DNAI2: variants seen among roughly 807,000 people sequenced by gnomAD.
DNAI2 encodes the protein dynein axonemal intermediate chain 2, also known as dynein, axonemal, intermediate polypeptide 2.
DNAI2 carries 63 observed loss-of-function variants against 74.7 expected under a neutral mutation model. The ratio of observed to expected loss-of-function variants is 0.84; its 90% confidence interval spans 0.69 to 1.04. The LOEUF (loss-of-function observed/expected upper bound fraction) is 1.04. Ranked by LOEUF, DNAI2 falls within the 50% of genes least tolerant of loss-of-function variation. The probability of loss-of-function intolerance (pLI) is 0.00; values close to 1 mark genes in which losing one functional copy is unlikely to be tolerated. For missense variants in DNAI2, 688 were observed against 803.2 expected, an observed-to-expected ratio of 0.86 and a Z score of 1.73; for synonymous variants, 289 against 314.9, an observed-to-expected ratio of 0.92 and a Z score of 0.87.
chr17:74,292,294 G>A (rs2052158473), intron 6 of DNAI2, among the ~76,000 whole-genome samples: 1 of 151,654 alleles, frequency 6.6e-6, no homozygotes, highest in African/African-American at 2.4e-5. Flanking sequence ...CACATTTTCT[G>A]TTTCTTCTTT....
In DNAI2 at chr17:74,305,456, C is replaced by T. The variant is rs1232184473; in HGVS notation, c.1211+14C>T. 3 of 1,612,038 alleles carry T rather than the reference C, an allele frequency of 1.9e-6. No homozygotes were observed. Among genetic ancestry groups the T allele is most frequent in the Non-Finnish European group, 2.5e-6 (3 of 1,178,760 alleles). ...CATGTGGACCAAGTAAGAGGCGATG[C>T]TGGGGACAGGAGGGGATGCAGGAGA... On this transcript the variant is annotated intron_variant, in intron 9 of 13. Transcript: ENST00000311014.
Position 74,309,156 on chromosome 17 carries a change from G to C in DNAI2, c.1212-97G>C. 3 of 1,376,730 alleles carry C rather than the reference G, an allele frequency of 2.2e-6. No individual in the cohort carries two copies. The Admixed American group carries it at 5.5e-5, about 25-fold the overall frequency. 85.3% of individuals were successfully genotyped at this position (1,376,730 alleles called of 1,614,324 possible). A position where few individuals can be genotyped will look rare whatever the true frequency, so the allele number is the denominator to read the frequency against. The stretch of plus-strand genomic sequence containing the variant: ...CAAGGAAGAACTTCCTACCTAGCAA[G>C]ACTCTGAGATCCTGGAGCCCAGAAG... On this transcript the variant is annotated intron_variant, in intron 9 of 13. Transcript: ENST00000311014.
chr17:74,296,618 C>A (rs891815475), intron 6 of DNAI2, among the ~76,000 whole-genome samples: 3 of 152,170 alleles, frequency 2.0e-5, no homozygotes, highest in Non-Finnish European at 2.9e-5. Context: ...TGCAATTACA[C>A]CCTGATGAAA....
At position 74,289,562 on chromosome 17, in the gene DNAI2, C is replaced by T. The variant is rs374338856; in HGVS notation, c.468-32C>T. ...GGGAGAAATTGGGGAACCTCACATCCAGCCTTCTGCTCTCTTCCCTCTCCC... is the reference window on the plus strand; with the variant it reads ...GGGAGAAATTGGGGAACCTCACATCTAGCCTTCTGCTCTCTTCCCTCTCCC... On this transcript the variant is annotated intron_variant, in intron 4 of 13. Transcript: ENST00000311014. 3 of 1,612,968 alleles carry T rather than the reference C, an allele frequency of 1.9e-6. No homozygotes were observed. In the African/African-American group the frequency reaches 4.0e-5, roughly 22 times the overall value.
At position 74,314,282 on chromosome 17, in the gene DNAI2, G is replaced by T. The variant is rs566376239; in HGVS notation, c.*55+11G>T. 43 of 1,608,030 alleles carry T rather than the reference G, an allele frequency of 2.7e-5. No individual in the cohort carries two copies. Among genetic ancestry groups the T allele is most frequent in the Admixed American group, 5.0e-5 (3 of 59,776 alleles). On this transcript the variant is annotated intron_variant, in intron 13 of 13. Coordinates refer to ENST00000311014, the MANE Select transcript of DNAI2 (RefSeq NM_023036.6). ...CTTTCCCACCTCTTGGTATTGCCCC[G>T]CTCTCACAAGTGGGAGGCTGAGCTC...
At chr17:74,314,359 C>T (rs2053706174) in intron 13 of DNAI2, 88 bp downstream of exon 13, 1 of 1,524,516 alleles carries the variant, frequency 6.6e-7, no homozygotes, top group Non-Finnish European at 9.0e-7. Flanking sequence ...CCCTGACTCC[C>T]CAGCCCCTAC....
At position 74,309,233 on chromosome 17, in the gene DNAI2, A is replaced by T. The variant is rs1265515847; in HGVS notation, c.1212-20A>T. 1 of 1,613,746 alleles carries T rather than the reference A, an allele frequency of 6.2e-7. No homozygotes were observed. Among genetic ancestry groups the T allele is most frequent in the South Asian group, 1.1e-5 (1 of 91,028 alleles). The stretch of plus-strand genomic sequence containing the variant: ...AGAAGCCTCTGTCCCTCCAACCATG[A>T]TGTGGTCTACCTCCCACAGGTACCA... On this transcript the variant is annotated intron_variant, in intron 9 of 13. Transcript: ENST00000311014.
chr17:74,290,943 C>T (rs992708055), intron 5 of DNAI2, 77 bp from the exon 6 acceptor site: 22 of 1,329,712 alleles, frequency 1.7e-5, no homozygotes, highest in Admixed American at 3.4e-5. Context: ...GCTACCCACC[C>T]GCAGAAGGGG....
chr17:74,282,631 C>G (rs1301458541), intron 2 of DNAI2, among the ~76,000 whole-genome samples: 1 of 152,150 alleles, frequency 6.6e-6, no homozygotes, highest in East Asian at 1.9e-4. Context: ...AGCAGAGATT[C>G]ATATCTACAG....
chr17:74,309,478 G>C, intron 10 of DNAI2, 90 bp downstream of exon 10: 1 of 1,571,128 alleles, frequency 6.4e-7, no homozygotes, highest in East Asian at 2.2e-5. Context: ...GAGCACGTGT[G>C]CAGTGTGTGG....
intron 4 of DNAI2, among the ~76,000 whole-genome samples, chr17:74,287,503 T>TTGTGTG (rs138901894): frequency 1.5e-4 from 22 of 150,762 alleles, no homozygotes; most frequent in African/African-American, 3.9e-4. Context: ...ATCCCACAGG[T>TTGTGTG]TGTGTGTGTG....
intron 6 of DNAI2, among the ~76,000 whole-genome samples, chr17:74,293,361 T>C (rs139791957): frequency 6.6e-6 from 1 of 152,336 alleles, no homozygotes; most frequent in African/African-American, 2.4e-5. Context: ...TGCTTATAAT[T>C]GTTAAGTTTT....
At position 74,300,731 on chromosome 17, in the gene DNAI2, T is replaced by C. The variant is rs539052962; in HGVS notation, c.865-315T>C. ...CATGCATTTTTAACATTGCCGGATATTGCCTTATTGTGGGGAGTCTTGGCA... is the reference window on the plus strand; with the variant it reads ...CATGCATTTTTAACATTGCCGGATACTGCCTTATTGTGGGGAGTCTTGGCA... On this transcript the variant is annotated intron_variant, in intron 7 of 13. Transcript: ENST00000311014. This position sits in a 1 kb window ranked among gnomAD's most constrained non-coding sequence, Gnocchi z 4.5. Among the ~76,000 whole-genome samples the C allele has an allele frequency of 4.6e-5, 7 of 152,326 alleles. No individual in the cohort carries two copies. Among genetic ancestry groups the C allele is most frequent in the Admixed American group, 3.9e-4 (6 of 15,302 alleles).
intron 12 of DNAI2, among the ~76,000 whole-genome samples, chr17:74,313,421 A>C (rs2053646189): frequency 6.6e-6 from 1 of 152,052 alleles, no homozygotes; most frequent in Non-Finnish European, 1.5e-5. Context: ...TGGAGGCAAA[A>C]CTAGAATCCT....
At chr17:74,289,531 A>T (rs1598289000) in intron 4 of DNAI2, 63 bp from the exon 5 acceptor site, 3 of 1,586,006 alleles carry the variant, frequency 1.9e-6, no homozygotes, top group South Asian at 1.2e-5. Context: ...AAAAAAAAAA[A>T]AAAGGGGGAG....
At chr17:74,290,597 ATTC>A (rs2052027317) in intron 5 of DNAI2, among the ~76,000 whole-genome samples, 1 of 152,212 alleles carries the variant, frequency 6.6e-6, no homozygotes, top group African/African-American at 2.4e-5. Flanking sequence ...AACGCCCGAC[ATTC>A]CAACAGCTCA....
At chr17:74,306,877 C>T (rs1464984430) in intron 9 of DNAI2, among the ~76,000 whole-genome samples, 1 of 152,202 alleles carries the variant, frequency 6.6e-6, no homozygotes, top group Non-Finnish European at 1.5e-5. Flanking sequence ...CTCAGCCTCC[C>T]GAAGGGCTGG....
intron 1 of DNAI2, among the ~76,000 whole-genome samples, chr17:74,279,188 A>G (rs1001361864): frequency 1.3e-5 from 2 of 152,138 alleles, no homozygotes; most frequent in Non-Finnish European, 2.9e-5. Context: ...ATAAATAAAA[A>G]TAACTAACAA....
At chr17:74,307,702 T>TA (rs2053266428) in intron 9 of DNAI2, among the ~76,000 whole-genome samples, 4 of 148,608 alleles carry the variant, frequency 2.7e-5, no homozygotes, top group South Asian at 2.1e-4. Flanking sequence ...AATCTGAATT[T>TA]TAAAAAAAAA....
Sources: allele counts gnomAD v4.1 joint callset (sites outside exome capture counted in the v4.1 genomes callset), GRCh38; gene constraint gnomAD v4.1.1; non-coding constraint Gnocchi (gnomAD v3.1); transcripts MANE v1.5; gene names NCBI Gene and HGNC (gene_info 2026-07-23, HGNC 2026-07-21).